RAPGEF5: variants seen among roughly 807,000 people sequenced by gnomAD.
RAPGEF5 encodes the protein Rap guanine nucleotide exchange factor 5.
A neutral mutation model predicts 125.2 loss-of-function variants in RAPGEF5; 65 were observed. The ratio of observed to expected loss-of-function variants is 0.52; its 90% CI spans 0.43 to 0.64. The LOEUF (loss-of-function observed/expected upper bound fraction) is 0.64, where lower values mean the gene tolerates loss of function less well. RAPGEF5 is among the 30% of genes least tolerant of loss of function. The pLI is 0.00. For missense variants in RAPGEF5, 958 were observed against 1,048.1 expected (o/e 0.91, Z 1.19); for synonymous variants, 391 against 385.9 (o/e 1.01, Z -0.16).
intron 7 of RAPGEF5, among the ~76,000 whole-genome samples, chr7:22,237,219 T>C (rs1023416867): frequency 6.6e-6 from 1 of 152,192 alleles, no homozygotes; most frequent in African/African-American, 2.4e-5. Flanking sequence ...TCTGTACACT[T>C]GATATTTTTT....
rs375339054 is a variant in RAPGEF5 at position 22,131,018 on chromosome 7, A to G, written c.2481+19T>C. ...TTTCTGTTACTGTAAAAAAGGGAGA[A>G]GTAATGAAATTTACGTACCAGCTTT... On this transcript the variant is annotated intron_variant, in intron 24 of 25. Transcript: ENST00000665637. 6.5e-7 allele frequency: 1 copy of G among 1,540,358 alleles called. No individual in the cohort carries two copies. The highest frequency in any genetic ancestry group is 8.8e-7 in the Non-Finnish European group (1 of 1,141,562).
chr7:22,141,237 A>G (rs1411636094), intron 20 of RAPGEF5, among the ~76,000 whole-genome samples: 1 of 152,194 alleles, frequency 6.6e-6, no homozygotes, highest in Non-Finnish European at 1.5e-5. Context: ...AGTTACACAG[A>G]ATGCTGGAAT....
intron 7 of RAPGEF5, among the ~76,000 whole-genome samples, chr7:22,265,124 T>G (rs1044899159): frequency 6.6e-6 from 1 of 152,172 alleles, no homozygotes. Flanking sequence ...TTGAGAACAT[T>G]TCAAATCTTC....
chr7:22,195,880 T>C (rs1213861328), intron 9 of RAPGEF5, among the ~76,000 whole-genome samples: 1 of 152,262 alleles, frequency 6.6e-6, no homozygotes, highest in Non-Finnish European at 1.5e-5. Flanking sequence ...ACTCATTTTA[T>C]ATGAGCTTGC....
intron 6 of RAPGEF5, among the ~76,000 whole-genome samples, chr7:22,272,342 CAA>C (rs1282857477): frequency 1.1e-3 from 40 of 35,978 alleles, no homozygotes; most frequent in South Asian, 3.5e-3. Context: ...GACTCCGTCT[CAA>C]AAAAAAAAAA....
intron 9 of RAPGEF5, among the ~76,000 whole-genome samples, chr7:22,197,800 A>G (rs1785181528): frequency 6.6e-6 from 1 of 151,658 alleles, no homozygotes; most frequent in Admixed American, 6.6e-5. Context: ...ACATTTACTG[A>G]ATACGTTTAT....
chr7:22,353,237 G>C (rs1784361825), intron 1 of RAPGEF5, among the ~76,000 whole-genome samples: 1 of 152,212 alleles, frequency 6.6e-6, no homozygotes, highest in Non-Finnish European at 1.5e-5. Flanking sequence ...TGAAAAAAGG[G>C]AGGGGAAGCT....
intron 11 of RAPGEF5, among the ~76,000 whole-genome samples, chr7:22,188,379 T>C (rs932266179): frequency 2.0e-5 from 3 of 152,194 alleles, no homozygotes; most frequent in African/African-American, 7.2e-5. Context: ...GGGATTATCA[T>C]GAGCTTGGTG....
chr7:22,347,271 T>G (rs113408545), intron 1 of RAPGEF5, among the ~76,000 whole-genome samples: 2 of 152,198 alleles, frequency 1.3e-5, no homozygotes, highest in African/African-American at 4.8e-5. Context: ...AGTGTTCATA[T>G]AGATTGTTAA....
At chr7:22,218,118 C>G (rs145266743) in intron 9 of RAPGEF5, among the ~76,000 whole-genome samples, 2 of 152,268 alleles carry the variant, frequency 1.3e-5, no homozygotes, top group East Asian at 3.9e-4. Flanking sequence ...CCTACCCCCT[C>G]CTCTCACCCA....
intron 8 of RAPGEF5, among the ~76,000 whole-genome samples, chr7:22,225,394 C>T (rs534912686): frequency 6.6e-6 from 1 of 152,270 alleles, no homozygotes; most frequent in African/African-American, 2.4e-5. Flanking sequence ...CTTCTAGATG[C>T]ATTTTCACAA....
intron 7 of RAPGEF5, among the ~76,000 whole-genome samples, chr7:22,234,812 C>CTA (rs576704823): frequency 1.5e-3 from 222 of 150,424 alleles, no homozygotes; most frequent in African/African-American, 4.7e-3. Context: ...AGGATGGGTG[C>CTA]TAAAATGCAA....
intron 1 of RAPGEF5, among the ~76,000 whole-genome samples, chr7:22,340,679 C>A (rs1190807370): frequency 6.6e-6 from 1 of 152,234 alleles, no homozygotes; most frequent in Non-Finnish European, 1.5e-5. Flanking sequence ...CTGACCAGGG[C>A]TTGGATTCTC....
chr7:22,325,013 A>G (rs1367924977), intron 1 of RAPGEF5, among the ~76,000 whole-genome samples: 1 of 152,132 alleles, frequency 6.6e-6, no homozygotes, highest in Admixed American at 6.6e-5. Flanking sequence ...GACAAACCAC[A>G]TGCATTCCCC....
In RAPGEF5 at chr7:22,145,170, G is replaced by T; in HGVS notation, c.2060C>A (p.Ala687Glu). Residue 687 changes from alanine (A) to glutamate (E), a missense_variant, in exon 20 of 26, where the codon GCA (alanine) becomes GAA (glutamate). Transcript: ENST00000665637. ...TCTCTGGAGCAGAAGGCTGAGATTT[G>T]CAGTGTGTTCCCCACTTCCCTGTCT... ...FSRQGSGEHT[A>E]NLSLLLQRCN... The T allele has an allele frequency of 6.2e-7, 1 of 1,613,536 alleles. No homozygotes were observed. Among genetic ancestry groups the T allele is most frequent in the Non-Finnish European group, 8.5e-7 (1 of 1,179,674 alleles).
intron 9 of RAPGEF5, among the ~76,000 whole-genome samples, chr7:22,200,932 G>A (rs1014849967): frequency 6.6e-6 from 1 of 152,174 alleles, no homozygotes; most frequent in Non-Finnish European, 1.5e-5. Context: ...TCAACATGCT[G>A]TATTAGCTTG....
chr7:22,165,836 A>G (rs1784143421), intron 12 of RAPGEF5, among the ~76,000 whole-genome samples: 1 of 151,766 alleles, frequency 6.6e-6, no homozygotes, highest in Admixed American at 6.6e-5. Context: ...TTTGTTTTTG[A>G]AGGCAGTCTC....
At chr7:22,312,090 AT>A (rs1444446315) in intron 3 of RAPGEF5, among the ~76,000 whole-genome samples, 1 of 152,250 alleles carries the variant, frequency 6.6e-6, no homozygotes, top group East Asian at 1.9e-4. Flanking sequence ...TTCACAGGTG[AT>A]ATGGAAGAAG....
At chr7:22,310,308 C>T (rs1430150388) in intron 3 of RAPGEF5, among the ~76,000 whole-genome samples, 1 of 152,158 alleles carries the variant, frequency 6.6e-6, no homozygotes, top group Non-Finnish European at 1.5e-5. Flanking sequence ...ACTTTTTCAT[C>T]AAATCACCTA....
Sources: allele counts gnomAD v4.1 joint callset (sites outside exome capture counted in the v4.1 genomes callset), GRCh38; gene constraint gnomAD v4.1.1; transcripts MANE v1.5; gene names NCBI Gene and HGNC (gene_info 2026-07-23, HGNC 2026-07-21).